CACNG2: variants seen among roughly 807,000 people sequenced by gnomAD.
The protein encoded by CACNG2 is calcium voltage-gated channel auxiliary subunit gamma 2.
CACNG2 carries 3 observed loss-of-function variants against 25.9 expected under a neutral mutation model. The ratio of observed to expected loss-of-function variants is 0.12; its 90% CI spans 0.05 to 0.30. CACNG2 has a LOEUF of 0.30. CACNG2 is among the 10% of genes least tolerant of loss of function. CACNG2 has a pLI of 1.00. For missense variants in CACNG2, 341 were observed against 432.5 expected, an observed-to-expected ratio of 0.79 and a Z score of 1.88; for synonymous variants, 167 against 173.3, an observed-to-expected ratio of 0.96 and a Z score of 0.29.
At chr22:36,645,405 C>T (rs1192134901) in intron 1 of CACNG2, among the ~76,000 whole-genome samples, 3 of 151,836 alleles carry the variant, frequency 2.0e-5, no homozygotes, top group Admixed American at 6.6e-5. Context: ...GGCGTTGTGG[C>T]GTGTGCCTGT....
intron 1 of CACNG2, among the ~76,000 whole-genome samples, chr22:36,621,799 A>T (rs1936109959): frequency 6.6e-6 from 1 of 152,170 alleles, no homozygotes; most frequent in Non-Finnish European, 1.5e-5. Context: ...AATCGAAAAG[A>T]TGCTGGAAAT....
intron 1 of CACNG2, among the ~76,000 whole-genome samples, chr22:36,623,787 T>A (rs1351211038): frequency 6.6e-6 from 1 of 152,088 alleles, no homozygotes; most frequent in Non-Finnish European, 1.5e-5. Flanking sequence ...TTAAGACATT[T>A]GTGGGCCAGT....
intron 1 of CACNG2, among the ~76,000 whole-genome samples, chr22:36,699,676 G>A (rs1162634296): frequency 6.6e-6 from 1 of 151,882 alleles, no homozygotes; most frequent in Non-Finnish European, 1.5e-5. Context: ...TTTTTTGAAA[G>A]TCCAATTTTT....
intron 2 of CACNG2, among the ~76,000 whole-genome samples, chr22:36,574,296 A>G (rs1463372918): frequency 6.6e-6 from 1 of 152,162 alleles, no homozygotes; most frequent in Non-Finnish European, 1.5e-5. Context: ...GGGCCAGGGT[A>G]GGTACAAAGG....
At chr22:36,650,163 C>G (rs1207146980) in intron 1 of CACNG2, among the ~76,000 whole-genome samples, 34 of 152,170 alleles carry the variant, frequency 2.2e-4, no homozygotes, top group Admixed American at 2.2e-3. Context: ...AAGAGTGATG[C>G]TAAAATACAG....
intron 1 of CACNG2, among the ~76,000 whole-genome samples, chr22:36,619,376 A>T: frequency 6.6e-6 from 1 of 152,202 alleles, no homozygotes; most frequent in Admixed American, 6.5e-5. Context: ...CAGCTCTCAT[A>T]CAATTGTCAA....
chr22:36,670,232 T>C (rs1936929510), intron 1 of CACNG2, among the ~76,000 whole-genome samples: 1 of 152,170 alleles, frequency 6.6e-6, no homozygotes, highest in Non-Finnish European at 1.5e-5. Context: ...AGGGCAAATA[T>C]GAAAAGAGAA....
Position 36,606,370 on chromosome 22 carries a change from C to T in CACNG2, c.212-18822G>A, listed in dbSNP as rs948082290. On this transcript the variant is annotated intron_variant, in intron 1 of 3. Transcript: ENST00000300105. This position sits in a 1 kb window ranked among gnomAD's most constrained non-coding sequence, Gnocchi z 5.7. Reference sequence around the variant, plus strand: ...TGTTGAGGTGGACGCTATTAGTCTCCGTACATTAGAGATATGGAAGTGGAG... The same window carrying T: ...TGTTGAGGTGGACGCTATTAGTCTCTGTACATTAGAGATATGGAAGTGGAG... Among the ~76,000 whole-genome samples the T allele has an allele frequency of 3.3e-5, 5 of 152,298 alleles. No homozygotes were observed. Among genetic ancestry groups the T allele is most frequent in the East Asian group, 1.9e-4 (1 of 5,182 alleles).
chr22:36,612,011 T>C (rs1189117033), intron 1 of CACNG2, among the ~76,000 whole-genome samples: 1 of 152,172 alleles, frequency 6.6e-6, no homozygotes, highest in Non-Finnish European at 1.5e-5. Flanking sequence ...TTAAAGAGCA[T>C]AAATAATGTG....
chr22:36,561,500 G>A lies in CACNG2; in HGVS notation c.*2851C>T, dbSNP rs1369342508. ...GTACTTCTGGGCTGGGCTGGCCGAT[G>A]TTCTGCCCCTTGCTGACCTGGGAAA... On this transcript the variant is annotated 3_prime_UTR_variant, in exon 4 of 4. Transcript: ENST00000300105. 1 of 152,326 alleles carries A rather than the reference G, an allele frequency of 6.6e-6. No homozygotes were observed. The highest frequency in any genetic ancestry group is 2.4e-5 in the African/African-American group (1 of 41,462). The allele number at this position is 152,326 out of a possible 1,614,324, so 9.4% of individuals were successfully genotyped here. A position where few individuals can be genotyped will look rare whatever the true frequency, so the allele number is the denominator to read the frequency against.
intron 1 of CACNG2, among the ~76,000 whole-genome samples, chr22:36,680,899 T>TCAC (rs1019859952): frequency 9.9e-4 from 150 of 151,492 alleles, no homozygotes; most frequent in African/African-American, 3.5e-3. Context: ...ATCACCATCA[T>TCAC]CACCACCACC....
At chr22:36,572,913 G>T (rs1935255570) in intron 2 of CACNG2, among the ~76,000 whole-genome samples, 1 of 152,130 alleles carries the variant, frequency 6.6e-6, no homozygotes, top group South Asian at 2.1e-4. Context: ...GCTAGACCTG[G>T]GCTTGGCATG....
chr22:36,653,918 ATTT>A lies in CACNG2; in HGVS notation c.211+48445_211+48447del, dbSNP rs35016759. 7.6e-3 allele frequency among the ~76,000 whole-genome samples: 1,008 copies of A among 132,966 alleles called. 10 individuals carry two copies. The highest frequency in any genetic ancestry group is 0.025 in the African/African-American group (911 of 36,112). The allele number at this position is 132,966 out of a possible 152,430, so 87.2% of individuals were successfully genotyped here. ...CTCTTGAAAACATGACAGACGTTAG[ATTT>A]TTTTTTTTTTTTTTGCTACTCCGGT... On this transcript the variant is annotated intron_variant, in intron 1 of 3. Coordinates refer to ENST00000300105, the MANE Select transcript of CACNG2 (RefSeq NM_006078.5).
intron 2 of CACNG2, among the ~76,000 whole-genome samples, chr22:36,580,453 G>A (rs1935396174): frequency 6.6e-6 from 1 of 152,050 alleles, no homozygotes; most frequent in Admixed American, 6.6e-5. Context: ...GGAGCTGAGT[G>A]GGGGCATCTG....
intron 1 of CACNG2, among the ~76,000 whole-genome samples, chr22:36,659,878 G>C (rs1415131066): frequency 6.6e-6 from 1 of 151,858 alleles, no homozygotes; most frequent in Non-Finnish European, 1.5e-5. Flanking sequence ...CTTGCCTCTG[G>C]CTGCCTGAGT....
intron 1 of CACNG2, among the ~76,000 whole-genome samples, chr22:36,641,246 C>T (rs1033132219): frequency 6.6e-6 from 1 of 152,212 alleles, no homozygotes; most frequent in African/African-American, 2.4e-5. Context: ...TCCTATTAGT[C>T]CGCAGAGCCC....
intron 1 of CACNG2, among the ~76,000 whole-genome samples, chr22:36,588,920 A>G (rs533651793): frequency 6.6e-6 from 1 of 152,224 alleles, no homozygotes; most frequent in African/African-American, 2.4e-5. Context: ...GTCTTATAAA[A>G]TAGGGGCAGA....
At chr22:36,638,181 T>A (rs942437460) in intron 1 of CACNG2, among the ~76,000 whole-genome samples, 4 of 152,216 alleles carry the variant, frequency 2.6e-5, no homozygotes, top group Admixed American at 6.5e-5. Flanking sequence ...TCACTGCCTA[T>A]GGCCCAGGCG....
chr22:36,699,237 T>TCACACA (rs3076293), intron 1 of CACNG2, among the ~76,000 whole-genome samples: 17,031 of 141,678 alleles, frequency 0.12, 1,344 homozygotes, highest in African/African-American at 0.23. Context: ...GATTTCAAGT[T>TCACACA]CACACACACA....
Sources: gnomAD v4.1 joint callset for allele counts (sites outside exome capture counted in the v4.1 genomes callset) on GRCh38, gnomAD v4.1.1 for gene constraint, Gnocchi (gnomAD v3.1) non-coding constraint, MANE v1.5 for transcripts, NCBI Gene and HGNC (gene_info 2026-07-23, HGNC 2026-07-21) for gene names.